The following PLCE1 variants were observed in gnomAD, a reference collection of about 807,000 sequenced individuals.
The protein encoded by PLCE1 is 1-phosphatidylinositol 4,5-bisphosphate phosphodiesterase epsilon-1.
A neutral mutation model predicts 242.8 loss-of-function variants in PLCE1; 119 were observed. The ratio of observed to expected loss-of-function variants is 0.49; its 90% CI spans 0.42 to 0.57. PLCE1 has a LOEUF of 0.57. PLCE1 is among the 20% of genes least tolerant of loss of function. The pLI, the probability that PLCE1 is intolerant of heterozygous loss-of-function variation, is 0.00. For missense variants in PLCE1, 2,441 were observed against 2,788.8 expected (o/e 0.88, Z 2.81); for synonymous variants, 945 against 1,017.4 (o/e 0.93, Z 1.35).
At chr10:94,156,145 CACA>C (rs1186456804) in intron 3 of PLCE1, among the ~76,000 whole-genome samples, 3 of 152,170 alleles carry the variant, frequency 2.0e-5, no homozygotes, top group Non-Finnish European at 1.5e-5. Context: ...CCTCTACACT[CACA>C]ACACTTCTGA....
At chr10:94,099,083 G>A (rs1467998221) in intron 2 of PLCE1, among the ~76,000 whole-genome samples, 24 of 152,224 alleles carry the variant, frequency 1.6e-4, no homozygotes, top group Non-Finnish European at 1.5e-5. Context: ...ATTAACATAG[G>A]CAGCTCAGTG....
At chr10:94,136,650 C>G (rs1021870475) in intron 3 of PLCE1, among the ~76,000 whole-genome samples, 6 of 152,142 alleles carry the variant, frequency 3.9e-5, no homozygotes, top group Admixed American at 6.6e-5. Context: ...AATTCTGCAG[C>G]CTTGGGGCTT....
intron 2 of PLCE1, among the ~76,000 whole-genome samples, chr10:94,045,827 G>A (rs143548643): frequency 0.013 from 1,991 of 152,170 alleles, 50 homozygotes; most frequent in African/African-American, 0.045. Flanking sequence ...TGGGCCAGGC[G>A]CGGTGGCTCA....
In PLCE1 at chr10:94,259,414, G is replaced by T. The variant is rs562015424; in HGVS notation, c.3814+264G>T. ...TTCTCCTGCCTCAGCCTCCTGAGTA[G>T]CTGGGACTACTGGCATGTGCCACCA... is the stretch of plus-strand genomic sequence containing the variant. On this transcript the variant is annotated intron_variant, in intron 13 of 32. Transcript: ENST00000371380. Among the ~76,000 whole-genome samples, 38 of 152,148 alleles carry T rather than the reference G, an allele frequency of 2.5e-4. 1 individual carries two copies. The highest frequency in any genetic ancestry group is 2.4e-3 in the Admixed American group (36 of 15,274).
chr10:94,001,421 AT>A lies in PLCE1; in HGVS notation c.-365+7164del, dbSNP rs2060928289. On this transcript the variant is annotated intron_variant, in intron 1 of 32. Coordinates refer to ENST00000371380, the MANE Select transcript of PLCE1 (RefSeq NM_016341.4). Reference sequence around the variant, plus strand: ...ATAACAAAACTCAGCTAGCATTTGTATATTTTCATTGCTTTATAGGAATAGC... The same window carrying A: ...ATAACAAAACTCAGCTAGCATTTGTAATTTTCATTGCTTTATAGGAATAGC... Among the ~76,000 whole-genome samples, 3 of 152,242 alleles carry A rather than the reference AT, an allele frequency of 2.0e-5. No homozygotes were observed. The South Asian group carries it at 6.2e-4, about 32-fold the overall frequency.
chr10:94,325,850 T>A (rs547618693), intron 32 of PLCE1, among the ~76,000 whole-genome samples: 96 of 152,274 alleles, frequency 6.3e-4, no homozygotes, highest in African/African-American at 2.3e-3. Flanking sequence ...TGTTCTAATT[T>A]AGGTTTGATG....
At chr10:94,056,860 T>C (rs1381113177) in intron 2 of PLCE1, among the ~76,000 whole-genome samples, 1 of 151,540 alleles carries the variant, frequency 6.6e-6, no homozygotes, top group Non-Finnish European at 1.5e-5. Context: ...TTTGTCTTTA[T>C]GGATTTGCCT....
intron 3 of PLCE1, among the ~76,000 whole-genome samples, chr10:94,145,375 G>A (rs913826528): frequency 2.6e-5 from 4 of 152,124 alleles, no homozygotes; most frequent in South Asian, 2.1e-4. Flanking sequence ...TTCCCTCCAG[G>A]CCCAGGTGGA....
chr10:94,286,533 T>TA (rs1031933490), intron 22 of PLCE1, among the ~76,000 whole-genome samples: 18 of 151,966 alleles, frequency 1.2e-4, no homozygotes, highest in South Asian at 8.3e-4. Context: ...CACATCAGAG[T>TA]AAAAAAAATC....
chr10:94,029,974 C>T (rs2061525791), intron 1 of PLCE1, among the ~76,000 whole-genome samples: 1 of 152,142 alleles, frequency 6.6e-6, no homozygotes, highest in Admixed American at 6.5e-5. Context: ...CCTCTCTCTA[C>T]TAACAGAGTT....
chr10:94,283,685 T>A (rs1238677356), intron 20 of PLCE1, 105 bp from the exon 21 acceptor site: 1 of 1,224,404 alleles, frequency 8.2e-7, no homozygotes. Flanking sequence ...AGCCTCATTC[T>A]TATAGATAAG....
Position 94,031,018 on chromosome 10 carries a change from A to G in PLCE1, c.-29A>G, listed in dbSNP as rs1265841958. ...GATCACCAGGGAGGAAAAATAGAGC[A>G]ATAGTCAAAACCTGTGTGTTAGTCC... On this transcript the variant is annotated 5_prime_UTR_variant, in exon 2 of 33. Transcript: ENST00000371380. The G allele has an allele frequency of 1.2e-6, 2 of 1,612,104 alleles. No homozygotes were observed. The highest frequency in any genetic ancestry group is 1.1e-5 in the South Asian group (1 of 91,048).
chr10:94,051,362 G>A (rs1334255692), intron 2 of PLCE1, among the ~76,000 whole-genome samples: 2 of 143,696 alleles, frequency 1.4e-5, no homozygotes, highest in Admixed American at 6.9e-5. Flanking sequence ...GAGATTTGCA[G>A]TTTTTCATGT....
chr10:94,283,827 T>A lies in PLCE1; in HGVS notation c.4833T>A (p.Cys1611Ter), dbSNP rs1014863355. The change falls in exon 21 of 33, where the codon TGT (cysteine) becomes TGA (stop). Residue 1611 changes from cysteine to a stop codon, truncating the protein, a stop_gained. Coordinates refer to ENST00000371380, the MANE Select transcript of PLCE1 (RefSeq NM_016341.4). LOFTEE classifies it high-confidence loss of function. ...ILEDRPENKS[C>*]NDKLQFEYNE... is the part of the protein sequence containing the mutation. Reference sequence around the variant, plus strand: ...AAGACAGACCTGAAAATAAATCATGTAATGACAAGCTTCAGTTTGAATATA... The same window carrying A: ...AAGACAGACCTGAAAATAAATCATGAAATGACAAGCTTCAGTTTGAATATA... 5 of 1,612,192 alleles carry A rather than the reference T, an allele frequency of 3.1e-6. No individual in the cohort carries two copies. In the Admixed American group the frequency reaches 6.7e-5, roughly 22 times the overall value.
chr10:94,274,611 C>T (rs1404634301), intron 19 of PLCE1, among the ~76,000 whole-genome samples: 1 of 152,148 alleles, frequency 6.6e-6, no homozygotes. Flanking sequence ...GGATACAGGA[C>T]AGCTGGAAGT....
intron 3 of PLCE1, among the ~76,000 whole-genome samples, chr10:94,132,668 A>C (rs945186279): frequency 2.0e-5 from 3 of 151,514 alleles, no homozygotes; most frequent in Non-Finnish European, 4.4e-5. Flanking sequence ...TAAGATTTTG[A>C]GGCCGGGTGC....
chr10:94,204,798 GGAAGC>G (rs1277898332), intron 4 of PLCE1, among the ~76,000 whole-genome samples: 18 of 60,202 alleles, frequency 3.0e-4, no homozygotes, highest in African/African-American at 1.0e-3. Flanking sequence ...AAGGAAGGAA[GGAAGC>G]AAAATAATGT....
intron 4 of PLCE1, among the ~76,000 whole-genome samples, chr10:94,224,069 G>A (rs535415460): frequency 5.3e-5 from 8 of 151,630 alleles, no homozygotes; most frequent in Middle Eastern, 3.4e-3. Context: ...AGAATTGTCC[G>A]TGAGGCTTGT....
At chr10:94,058,082 A>C (rs1341233076) in intron 2 of PLCE1, among the ~76,000 whole-genome samples, 2 of 152,176 alleles carry the variant, frequency 1.3e-5, no homozygotes, top group Non-Finnish European at 2.9e-5. Context: ...ATCTTTTTAC[A>C]ATAGAAACCC....
Sources: gnomAD v4.1 joint callset for allele counts (sites outside exome capture counted in the v4.1 genomes callset) on GRCh38, gnomAD v4.1.1 for gene constraint, MANE v1.5 for transcripts, NCBI Gene and HGNC (gene_info 2026-07-23, HGNC 2026-07-21) for gene names.